Variants in MSRA observed in about 807,000 individuals in gnomAD.
The protein encoded by MSRA is mitochondrial peptide methionine sulfoxide reductase.
In MSRA, 54 loss-of-function variants were observed where a neutral mutation model predicts 31.3. That is an observed-to-expected ratio of 1.73 (90% CI 1.39 to 2.17). The LOEUF (loss-of-function observed/expected upper bound fraction) is 2.17. Among genes scored for constraint, MSRA ranks in the 30% most tolerant of loss-of-function variants. MSRA has a pLI of 0.00. For synonymous variants in MSRA, 169 were observed against 116.5 expected (o/e 1.45, Z -2.90); for missense variants, 507 against 300.9 (o/e 1.69, Z -5.07).
At position 10,428,362 on chromosome 8, in the gene MSRA, C is replaced by G. The variant is rs1318060332; in HGVS notation, c.*50C>G. ...GAGGTTCCAGTAAAAATGCTTTCAACAAATTGGGCAATGCTTGTGTGATTC... is the reference window on the plus strand; with the variant it reads ...GAGGTTCCAGTAAAAATGCTTTCAAGAAATTGGGCAATGCTTGTGTGATTC... On this transcript the variant is annotated 3_prime_UTR_variant, in exon 6 of 6. Coordinates refer to ENST00000317173, the MANE Select transcript of MSRA (RefSeq NM_012331.5). 2 of 1,574,116 alleles carry G rather than the reference C, an allele frequency of 1.3e-6. No individual in the cohort carries two copies. The highest frequency in any genetic ancestry group is 3.5e-5 in the Admixed American group (2 of 56,784).
chr8:10,420,501 G>A (rs1344212419), intron 5 of MSRA, among the ~76,000 whole-genome samples: 1 of 152,070 alleles, frequency 6.6e-6, no homozygotes, highest in African/African-American at 2.4e-5. Context: ...TTGTGGTCTG[G>A]AGAGCCCATC....
intron 5 of MSRA, among the ~76,000 whole-genome samples, chr8:10,383,747 T>C (rs553266283): frequency 8.5e-5 from 13 of 152,324 alleles, no homozygotes; most frequent in South Asian, 2.1e-4. Context: ...CAGTGCTGCA[T>C]TGGGAAACTG....
chr8:10,328,290 A>C (rs1802495985), intron 5 of MSRA, among the ~76,000 whole-genome samples: 1 of 107,488 alleles, frequency 9.3e-6, no homozygotes, highest in South Asian at 3.3e-4. Context: ...TCGGGTCATC[A>C]TTTAACTTGC....
intron 5 of MSRA, among the ~76,000 whole-genome samples, chr8:10,380,580 A>C (rs548875222): frequency 6.6e-6 from 1 of 152,358 alleles, no homozygotes; most frequent in South Asian, 2.1e-4. Flanking sequence ...CCAAGATAGA[A>C]ATATGCAGTT....
intron 1 of MSRA, among the ~76,000 whole-genome samples, chr8:10,207,371 A>G (rs924390652): frequency 2.0e-5 from 3 of 152,150 alleles, no homozygotes. Context: ...TGTTTTTTGA[A>G]AAATTGCTCC....
chr8:10,190,218 G>A (rs141334604), intron 1 of MSRA, among the ~76,000 whole-genome samples: 1,789 of 152,234 alleles, frequency 0.012, 13 homozygotes, highest in Middle Eastern at 0.02. Flanking sequence ...AGGACCTTCC[G>A]TTGAGCCTGC....
At chr8:10,055,315 A>G (rs1358008025) in intron 1 of MSRA, among the ~76,000 whole-genome samples, 3 of 152,230 alleles carry the variant, frequency 2.0e-5, no homozygotes, top group Non-Finnish European at 4.4e-5. Flanking sequence ...CTTTGGGAAA[A>G]TACAATAAGG....
intron 2 of MSRA, among the ~76,000 whole-genome samples, chr8:10,209,565 G>A (rs988975282): frequency 3.3e-5 from 5 of 152,004 alleles, no homozygotes; most frequent in African/African-American, 9.7e-5. Flanking sequence ...ATTTTGCAGT[G>A]GGGGGTTGCA....
intron 5 of MSRA, among the ~76,000 whole-genome samples, chr8:10,357,187 A>T (rs969341598): frequency 4.6e-5 from 7 of 152,186 alleles, no homozygotes; most frequent in Non-Finnish European, 7.3e-5. Flanking sequence ...TAAGGCACAA[A>T]TCCATTGCTT....
intron 1 of MSRA, among the ~76,000 whole-genome samples, chr8:10,181,244 A>G (rs184892115): frequency 2.1e-4 from 32 of 152,298 alleles, no homozygotes; most frequent in Non-Finnish European, 3.5e-4. Flanking sequence ...AGGGGATGCT[A>G]TTATCTAGAG....
At chr8:10,201,152 A>T (rs1377990737) in intron 1 of MSRA, among the ~76,000 whole-genome samples, 1 of 152,078 alleles carries the variant, frequency 6.6e-6, no homozygotes, top group Non-Finnish European at 1.5e-5. Flanking sequence ...TATTACTGAG[A>T]TAAATGCACT....
At chr8:10,331,495 C>T (rs1802697421) in intron 5 of MSRA, among the ~76,000 whole-genome samples, 1 of 152,190 alleles carries the variant, frequency 6.6e-6, no homozygotes. Context: ...CTCTGACTTG[C>T]CTATGAGGAA....
chr8:10,335,839 C>T (rs1226841333), intron 5 of MSRA, among the ~76,000 whole-genome samples: 1 of 152,216 alleles, frequency 6.6e-6, no homozygotes, highest in Non-Finnish European at 1.5e-5. Flanking sequence ...TCCTCTGCTT[C>T]TCATAAGGAG....
chr8:10,235,301 T>G (rs1811851834), intron 2 of MSRA, among the ~76,000 whole-genome samples: 1 of 152,134 alleles, frequency 6.6e-6, no homozygotes. Context: ...AAATGTATAC[T>G]TTTAAGTAAT....
intron 5 of MSRA, among the ~76,000 whole-genome samples, chr8:10,419,207 C>T (rs1808664901): frequency 6.6e-6 from 1 of 152,164 alleles, no homozygotes; most frequent in Non-Finnish European, 1.5e-5. Flanking sequence ...TTGCACCTCT[C>T]ACGTGTCGCA....
chr8:10,388,537 C>T (rs567022890), intron 5 of MSRA, among the ~76,000 whole-genome samples: 32 of 152,248 alleles, frequency 2.1e-4, no homozygotes, highest in African/African-American at 7.2e-4. Context: ...GCGTGAGCTT[C>T]GAAAAATCCT....
intron 2 of MSRA, among the ~76,000 whole-genome samples, chr8:10,237,474 C>T (rs1490409445): frequency 6.6e-6 from 1 of 152,128 alleles, no homozygotes; most frequent in Non-Finnish European, 1.5e-5. Context: ...CCAAATTCAT[C>T]TAAGTTCAAT....
chr8:10,408,497 A>G (rs1807958923), intron 5 of MSRA, among the ~76,000 whole-genome samples: 1 of 152,136 alleles, frequency 6.6e-6, no homozygotes, highest in African/African-American at 2.4e-5. Context: ...CTGTGAGCAT[A>G]CCACTACAAT....
At chr8:10,397,719 A>G (rs1416968555) in intron 5 of MSRA, among the ~76,000 whole-genome samples, 7 of 152,238 alleles carry the variant, frequency 4.6e-5, no homozygotes, top group Admixed American at 4.6e-4. Context: ...CTCAAATTCC[A>G]TGTAAAAATA....
Sources: gnomAD v4.1 joint callset for allele counts (sites outside exome capture counted in the v4.1 genomes callset) on GRCh38, gnomAD v4.1.1 for gene constraint, MANE v1.5 for transcripts, NCBI Gene and HGNC (gene_info 2026-07-23, HGNC 2026-07-21) for gene names.